TRPC1: variants seen among roughly 807,000 people sequenced by gnomAD.
TRPC1 encodes the protein transient receptor potential cation channel subfamily C member 1.
Under a neutral mutation model 88.2 loss-of-function variants are expected in TRPC1, and 42 were observed. The observed-to-expected ratio is 0.48, with a 90% CI of 0.37 to 0.62. The LOEUF (loss-of-function observed/expected upper bound fraction) is 0.62, where lower values mean the gene tolerates loss of function less well. Among genes scored for constraint, TRPC1 ranks in the 20% least tolerant of loss-of-function variants. TRPC1 has a pLI of 0.00. For synonymous variants in TRPC1, 288 were observed against 331.8 expected (o/e 0.87, Z 1.43); for missense variants, 699 against 957.3 (o/e 0.73, Z 3.56).
intron 6 of TRPC1, among the ~76,000 whole-genome samples, chr3:142,782,603 A>G (rs1390049756): frequency 6.6e-6 from 1 of 152,066 alleles, no homozygotes; most frequent in Non-Finnish European, 1.5e-5. Context: ...GTGTCTGGGA[A>G]CTCATCTGGA....
At chr3:142,747,398 T>C (rs1934597291) in intron 3 of TRPC1, among the ~76,000 whole-genome samples, 1 of 152,236 alleles carries the variant, frequency 6.6e-6, no homozygotes, top group Non-Finnish European at 1.5e-5. Flanking sequence ...AACCTTTTTA[T>C]TTAAGCCTGG....
chr3:142,775,098 TATAGGTAA>T (rs139482917), intron 4 of TRPC1, among the ~76,000 whole-genome samples: 4,607 of 152,312 alleles, frequency 0.03, 100 homozygotes, highest in Middle Eastern at 0.061. Context: ...GACAGTGTAG[TATAGGTAA>T]ATATGTCTTC....
At chr3:142,759,831 GTCTTTAAATCCA>G (rs1935117292) in intron 4 of TRPC1, among the ~76,000 whole-genome samples, 1 of 152,066 alleles carries the variant, frequency 6.6e-6, no homozygotes, top group Admixed American at 6.6e-5. Context: ...TAACATTTAA[GTCTTTAAATCCA>G]TCTTGAATTA....
intron 1 of TRPC1, among the ~76,000 whole-genome samples, chr3:142,728,779 A>T (rs1004846614): frequency 6.6e-6 from 1 of 152,208 alleles, no homozygotes; most frequent in Non-Finnish European, 1.5e-5. Flanking sequence ...CCTTATTTAT[A>T]TATAATGGGC....
At chr3:142,771,454 G>A (rs927877911) in intron 4 of TRPC1, among the ~76,000 whole-genome samples, 15 of 152,122 alleles carry the variant, frequency 9.9e-5, no homozygotes, top group Non-Finnish European at 1.2e-4. Flanking sequence ...GATTACAGGC[G>A]TGAGCCACTG....
rs76069113 is a variant in TRPC1, at chr3:142,758,896, A to G, written c.632+10436A>G. Among the ~76,000 whole-genome samples, 8 of 138,776 alleles carry G rather than the reference A, an allele frequency of 5.8e-5. No homozygotes were observed. The East Asian group carries it at 8.5e-4, about 15-fold the overall frequency. The allele number at this position is 138,776 out of a possible 152,430, so 91.0% of individuals were successfully genotyped here. ...TGTGTCCAAGTGTTCTCATTGTTCA[A>G]TTCCCACCAATGAGTGAGAACATGC... On this transcript the variant is annotated intron_variant, in intron 4 of 12. Transcript: ENST00000476941.
intron 4 of TRPC1, among the ~76,000 whole-genome samples, chr3:142,754,112 A>AG (rs1491059819): frequency 2.0e-5 from 3 of 148,792 alleles, no homozygotes; most frequent in Non-Finnish European, 4.4e-5. Context: ...AAAAAAAAAA[A>AG]AGAGAGAGAC....
chr3:142,804,758 T>A, intron 12 of TRPC1, 128 bp downstream of exon 12: 1 of 713,226 alleles, frequency 1.4e-6, no homozygotes. Flanking sequence ...CACTGCTATA[T>A]ACCCTAATGT....
intron 1 of TRPC1, among the ~76,000 whole-genome samples, chr3:142,728,782 T>C (rs1933783719): frequency 6.6e-6 from 1 of 152,226 alleles, no homozygotes; most frequent in Admixed American, 6.5e-5. Flanking sequence ...TATTTATATA[T>C]AATGGGCCTT....
In TRPC1 at chr3:142,791,077, A is replaced by G; in HGVS notation, c.1356A>G (p.Glu452=). 1 of 1,611,002 alleles carries G rather than the reference A, an allele frequency of 6.2e-7. No individual in the cohort carries two copies. Among genetic ancestry groups the G allele is most frequent in the Non-Finnish European group, 8.5e-7 (1 of 1,178,672 alleles). Residue 452 remains glutamate, a synonymous_variant, in exon 8 of 13, where the codon GAA becomes GAG. Coordinates refer to ENST00000476941, the MANE Select transcript of TRPC1 (RefSeq NM_001251845.2). The part of the protein sequence containing the change: ...LWYEGLEDFL[E]ESRNQLSFVM... Reference sequence around the variant, plus strand: ...ATGAAGGGTTGGAAGACTTTTTAGAAGAATCTCGTAATCAACTCAGTTTTG... The same window carrying G: ...ATGAAGGGTTGGAAGACTTTTTAGAGGAATCTCGTAATCAACTCAGTTTTG...
chr3:142,730,183 C>G (rs1308313569), intron 1 of TRPC1, among the ~76,000 whole-genome samples: 1 of 152,110 alleles, frequency 6.6e-6, no homozygotes, highest in Admixed American at 6.5e-5. Flanking sequence ...TGTCATTTAT[C>G]AGACTCTAAC....
rs536361857 is a variant in TRPC1 at position 142,767,143 on chromosome 3, C to G, written c.633-10489C>G. On this transcript the variant is annotated intron_variant, in intron 4 of 12. Coordinates refer to ENST00000476941, the MANE Select transcript of TRPC1 (RefSeq NM_001251845.2). This position sits in a 1 kb window ranked among gnomAD's most constrained non-coding sequence, Gnocchi z 5.1. ...TTCTCTCAGCAATATTTTGTAATCC[C>G]CAGTGTACAGGTCTTGTGCTTCTTT... Among the ~76,000 whole-genome samples the G allele has an allele frequency of 5.9e-5, 9 of 152,230 alleles. No homozygotes were observed. The highest frequency in any genetic ancestry group is 1.9e-4 in the African/African-American group (8 of 41,552).
intron 2 of TRPC1, 123 bp downstream of exon 2, chr3:142,736,656 T>C (rs1934150026): frequency 1.1e-6 from 1 of 875,668 alleles, no homozygotes; most frequent in African/African-American, 1.7e-5. Flanking sequence ...TCTTTCTTTG[T>C]CTCTCTTACT....
intron 9 of TRPC1, among the ~76,000 whole-genome samples, chr3:142,800,092 T>C (rs1936573414): frequency 6.6e-6 from 1 of 152,148 alleles, no homozygotes; most frequent in Non-Finnish European, 1.5e-5. Flanking sequence ...TTGAGTTCTG[T>C]ACTGAGATGG....
intron 4 of TRPC1, among the ~76,000 whole-genome samples, chr3:142,758,417 G>T (rs1935057719): frequency 6.6e-6 from 1 of 152,042 alleles, no homozygotes; most frequent in African/African-American, 2.4e-5. Flanking sequence ...TATACTTGTT[G>T]GTCATTTGTA....
intron 1 of TRPC1, among the ~76,000 whole-genome samples, chr3:142,735,989 G>A (rs1291474345): frequency 4.0e-5 from 6 of 151,722 alleles, no homozygotes; most frequent in African/African-American, 9.7e-5. Context: ...TATATTTGAG[G>A]TATAAAACTT....
chr3:142,736,339 T>C (rs780643763), intron 1 of TRPC1, 40 bp from the exon 2 acceptor site: 2 of 1,447,942 alleles, frequency 1.4e-6, no homozygotes, highest in South Asian at 1.5e-5. Context: ...TTACTTGATA[T>C]GTCACGGATA....
At chr3:142,744,524 A>G (rs560488534) in intron 3 of TRPC1, among the ~76,000 whole-genome samples, 8 of 152,208 alleles carry the variant, frequency 5.3e-5, no homozygotes, top group Non-Finnish European at 1.2e-4. Context: ...ATAAATGATT[A>G]CATATATGTA....
rs776933024 is a variant in TRPC1, at chr3:142,804,194, T to C, written c.1959+16T>C. 1.2e-6 allele frequency: 2 copies of C among 1,613,204 alleles called. No individual in the cohort carries two copies. Among genetic ancestry groups the C allele is most frequent in the Admixed American group, 3.3e-5 (2 of 59,936 alleles). The stretch of plus-strand genomic sequence containing the variant: ...GTTGATAGCAGTAAGTTCATTCTTT[T>C]AAAAACTTTATATTCTCCTCAGACC... On this transcript the variant is annotated intron_variant, in intron 11 of 12. Coordinates refer to ENST00000476941, the MANE Select transcript of TRPC1 (RefSeq NM_001251845.2).
Sources: gnomAD v4.1 joint callset for allele counts (sites outside exome capture counted in the v4.1 genomes callset) on GRCh38, gnomAD v4.1.1 for gene constraint, Gnocchi (gnomAD v3.1) non-coding constraint, MANE v1.5 for transcripts, NCBI Gene and HGNC (gene_info 2026-07-23, HGNC 2026-07-21) for gene names.